Variants in OTUD7A observed in about 807,000 individuals in gnomAD.
The protein encoded by OTUD7A is OTU deubiquitinase 7A, also known as OTU domain-containing protein 7A.
In OTUD7A, 12 loss-of-function variants were observed where a neutral mutation model predicts 65.7. The ratio of observed to expected loss-of-function variants is 0.18; its 90% CI spans 0.12 to 0.30. OTUD7A has a LOEUF of 0.30. Among genes scored for constraint, OTUD7A ranks in the 10% least tolerant of loss-of-function variants. The pLI, the probability that OTUD7A is intolerant of heterozygous loss-of-function variation, is 1.00. For synonymous variants in OTUD7A, 641 were observed against 586.3 expected, an observed-to-expected ratio of 1.09 and a Z score of -1.35; for missense variants, 1,148 against 1,304.8, an observed-to-expected ratio of 0.88 and a Z score of 1.85.
chr15:31,733,326 AC>A (rs947803740), intron 1 of OTUD7A, among the ~76,000 whole-genome samples: 87 of 151,926 alleles, frequency 5.7e-4, no homozygotes, highest in African/African-American at 2.0e-3. Flanking sequence ...CTCCACCAAC[AC>A]CCCCTCCTTT....
intron 3 of OTUD7A, among the ~76,000 whole-genome samples, chr15:31,574,706 C>T (rs1889153577): frequency 6.6e-6 from 1 of 152,190 alleles, no homozygotes; most frequent in Admixed American, 6.5e-5. Context: ...ATCTTGGGGC[C>T]TTTGTGACCT....
intron 1 of OTUD7A, among the ~76,000 whole-genome samples, chr15:31,785,122 T>C (rs978520559): frequency 1.4e-4 from 21 of 152,166 alleles, no homozygotes; most frequent in Non-Finnish European, 2.4e-4. Context: ...TAAGTACACT[T>C]TGATGGATCT....
chr15:31,675,877 C>A (rs1218565282), intron 1 of OTUD7A, among the ~76,000 whole-genome samples: 4 of 152,108 alleles, frequency 2.6e-5, no homozygotes, highest in Non-Finnish European at 5.9e-5. Context: ...AACAATAAAT[C>A]TTTAATGAGG....
chr15:31,612,982 A>G lies in OTUD7A; in HGVS notation c.151+42114T>C, dbSNP rs375889506. Among the ~76,000 whole-genome samples, 100 of 152,306 alleles carry G rather than the reference A, an allele frequency of 6.6e-4. 2 individuals are homozygous for G. In the South Asian group the frequency reaches 0.02, roughly 31 times the overall value. ...ATGGAACAGAATAGAGTACCCAGCA[A>G]TAAGCCCAAATACTTACAGCCAACT... On this transcript the variant is annotated intron_variant, in intron 3 of 12. Coordinates refer to ENST00000307050, the MANE Select transcript of OTUD7A (RefSeq NM_001382637.1).
chr15:31,569,415 T>C (rs1888977303), intron 4 of OTUD7A, among the ~76,000 whole-genome samples: 1 of 152,234 alleles, frequency 6.6e-6, no homozygotes, highest in Non-Finnish European at 1.5e-5. Context: ...AAACAAGCAC[T>C]TTGCAGTGTG....
chr15:31,755,060 CGTGTGTGT>C (rs71424619), intron 1 of OTUD7A, among the ~76,000 whole-genome samples: 2 of 146,292 alleles, frequency 1.4e-5, no homozygotes, highest in Admixed American at 6.8e-5. Flanking sequence ...CCTCTGTGTT[CGTGTGTGT>C]GTGTGTGTGT....
intron 1 of OTUD7A, among the ~76,000 whole-genome samples, chr15:31,658,532 T>A (rs1041736418): frequency 6.6e-6 from 1 of 151,976 alleles, no homozygotes; most frequent in Non-Finnish European, 1.5e-5. Context: ...AGGGACTCTG[T>A]GGGAACTATG....
chr15:31,694,073 G>C (rs951157982), intron 1 of OTUD7A, among the ~76,000 whole-genome samples: 1 of 152,194 alleles, frequency 6.6e-6, no homozygotes, highest in Non-Finnish European at 1.5e-5. Context: ...TGACTGCTGG[G>C]AAACAGCAGG....
intron 1 of OTUD7A, among the ~76,000 whole-genome samples, chr15:31,802,233 G>A (rs983125063): frequency 6.6e-6 from 1 of 151,916 alleles, no homozygotes; most frequent in Non-Finnish European, 1.5e-5. Context: ...GTGGGGCAAG[G>A]AGAGCCATTC....
intron 1 of OTUD7A, among the ~76,000 whole-genome samples, chr15:31,818,604 G>A (rs1235501498): frequency 6.6e-6 from 1 of 152,164 alleles, no homozygotes; most frequent in African/African-American, 2.4e-5. Context: ...GAGAGCCACG[G>A]CCTGACCTCC....
chr15:31,484,467 G>C lies in OTUD7A; in HGVS notation c.1629C>G (p.Gly543=), dbSNP rs770943741. Residue 543 remains glycine, a synonymous_variant, in exon 13 of 13, where the codon GGC becomes GGG. Transcript: ENST00000307050. The surrounding 1 kb of genome is among the most constrained non-coding windows in gnomAD (Gnocchi z 4.5). ...GGCCCATCTTGCCGTGCACCAGGCC[G>C]CCGAGGCCGCCCATGTTTTTCTTCA... The part of the protein sequence containing the change: ...IKLKKNMGGL[G]GLVHGKMGRA... The C allele has an allele frequency of 3.7e-6, 6 of 1,605,626 alleles. No individual in the cohort carries two copies. The highest frequency in any genetic ancestry group is 1.1e-5 in the South Asian group (1 of 91,084).
intron 1 of OTUD7A, among the ~76,000 whole-genome samples, chr15:31,829,597 C>T (rs1024996152): frequency 6.6e-6 from 1 of 152,212 alleles, no homozygotes; most frequent in South Asian, 2.1e-4. Flanking sequence ...AATGCATGGA[C>T]ACTGCAGAGC....
At chr15:31,569,944 A>G in intron 4 of OTUD7A, 74 bp downstream of exon 4, 8 of 1,538,328 alleles carry the variant, frequency 5.2e-6, no homozygotes, top group Non-Finnish European at 6.2e-6. Flanking sequence ...CATTCTTTGT[A>G]CCACGCAACC....
At chr15:31,849,607 T>C (rs6493991) in intron 1 of OTUD7A, among the ~76,000 whole-genome samples, 91,643 of 151,952 alleles carry the variant, frequency 0.6, 27,818 homozygotes, top group East Asian at 0.69. Flanking sequence ...ACCATCAGAG[T>C]GAACAGGCAA....
At chr15:31,568,518 G>A (rs1270562002) in intron 4 of OTUD7A, among the ~76,000 whole-genome samples, 8 of 152,194 alleles carry the variant, frequency 5.3e-5, no homozygotes, top group African/African-American at 1.9e-4. Flanking sequence ...AGTTAATGCT[G>A]GAACAAGTCA....
At chr15:31,851,710 C>T (rs1472998386) in intron 1 of OTUD7A, among the ~76,000 whole-genome samples, 1 of 152,218 alleles carries the variant, frequency 6.6e-6, no homozygotes, top group African/African-American at 2.4e-5. Context: ...GGGCTTGGCC[C>T]TTCTGGCTTC....
chr15:31,656,102 C>T (rs1309855337), intron 2 of OTUD7A, among the ~76,000 whole-genome samples: 7 of 152,176 alleles, frequency 4.6e-5, no homozygotes, highest in South Asian at 2.1e-4. Flanking sequence ...AATCCAACAA[C>T]ATTCTTAAGA....
chr15:31,714,674 A>C (rs2134503), intron 1 of OTUD7A, among the ~76,000 whole-genome samples: 74,511 of 151,994 alleles, frequency 0.49, 20,683 homozygotes, highest in South Asian at 0.68. Flanking sequence ...ACTTTTCCAA[A>C]TTCTGTCAGC....
At chr15:31,658,999 T>A (rs528607414) in intron 1 of OTUD7A, among the ~76,000 whole-genome samples, 1 of 150,372 alleles carries the variant, frequency 6.7e-6, no homozygotes, top group East Asian at 2.0e-4. Flanking sequence ...GCCATTGCAC[T>A]CCAGCCTGGG....
Sources: gnomAD v4.1 joint callset for allele counts (sites outside exome capture counted in the v4.1 genomes callset) on GRCh38, gnomAD v4.1.1 for gene constraint, Gnocchi (gnomAD v3.1) non-coding constraint, MANE v1.5 for transcripts, NCBI Gene and HGNC (gene_info 2026-07-23, HGNC 2026-07-21) for gene names.